ANKRD31: variants seen among roughly 807,000 people sequenced by gnomAD.
ANKRD31 encodes the protein ankyrin repeat domain-containing protein 31.
A neutral mutation model predicts 186.0 loss-of-function variants in ANKRD31; 147 were observed. That is an observed-to-expected ratio of 0.79 (90% CI 0.69 to 0.91). The LOEUF (loss-of-function observed/expected upper bound fraction) is 0.91, where lower values mean the gene tolerates loss of function less well. Ranked by LOEUF, ANKRD31 falls within the 40% of genes least tolerant of loss-of-function variation. ANKRD31 has a pLI of 0.00. For missense variants in ANKRD31, 1,986 were observed against 2,148.8 expected (o/e 0.92, Z 1.50); for synonymous variants, 673 against 736.4 (o/e 0.91, Z 1.39).
In ANKRD31 at chr5:75,147,438, A is replaced by G. The variant is rs1398449082; in HGVS notation, c.1973T>C (p.Leu658Pro). The change falls in exon 14 of 26, where the codon CTG (leucine) becomes CCG (proline). Residue 658 changes from leucine (L) to proline (P), a missense_variant. By Grantham distance (98) the Leu-to-Pro change is moderately conservative. Coordinates refer to ENST00000506364, the MANE Select transcript of ANKRD31 (RefSeq NM_001372053.1). ...VYNENSNRQK[L>P]EHVKVNKGSK... ...TCCTTTATTGACTTTTACATGTTCC[A>G]GCTTCTGTCTGTTGGAATTTTCATT... The G allele has an allele frequency of 1.3e-6, 2 of 1,505,662 alleles. No individual in the cohort carries two copies. The highest frequency in any genetic ancestry group is 2.8e-5 in the African/African-American group (2 of 71,062). The allele number at this position is 1,505,662 out of a possible 1,614,324, so 93.3% of individuals were successfully genotyped here.
intron 24 of ANKRD31, 128 bp from the exon 25 acceptor site, chr5:75,080,767 G>T (rs1463860091): frequency 8.3e-6 from 4 of 480,434 alleles, no homozygotes; most frequent in African/African-American, 8.0e-5. Flanking sequence ...TAGGAGAGAT[G>T]ATTTAAAAAA....
chr5:75,112,014 G>A (rs1436462064), intron 20 of ANKRD31, among the ~76,000 whole-genome samples: 1 of 152,084 alleles, frequency 6.6e-6, no homozygotes, highest in African/African-American at 2.4e-5. Flanking sequence ...TACATTTTCT[G>A]TCATAGGATT....
At chr5:75,127,461 A>C (rs1749344645) in intron 17 of ANKRD31, among the ~76,000 whole-genome samples, 1 of 152,168 alleles carries the variant, frequency 6.6e-6, no homozygotes, top group Non-Finnish European at 1.5e-5. Flanking sequence ...ATCTAGCCCC[A>C]AATGTCATTT....
intron 21 of ANKRD31, among the ~76,000 whole-genome samples, chr5:75,106,604 C>T (rs1390217100): frequency 6.6e-6 from 1 of 151,958 alleles, no homozygotes; most frequent in Non-Finnish European, 1.5e-5. Flanking sequence ...TAAGAATTTA[C>T]GTATTGAAAC....
At chr5:75,124,237 A>T (rs1384202484) in intron 17 of ANKRD31, among the ~76,000 whole-genome samples, 1 of 152,192 alleles carries the variant, frequency 6.6e-6, no homozygotes, top group Non-Finnish European at 1.5e-5. Flanking sequence ...ATGAAATACC[A>T]TCTTATGCCA....
Position 75,068,631 on chromosome 5 carries a change from C to T in ANKRD31, c.5681G>A (p.Arg1894His), listed in dbSNP as rs765517517. The T allele has an allele frequency of 1.2e-5, 19 of 1,521,444 alleles. No homozygotes were observed. The highest frequency in any genetic ancestry group is 2.5e-5 in the East Asian group (1 of 40,258). 94.2% of individuals were successfully genotyped at this position (1,521,444 alleles called of 1,614,324 possible). ...TSRESMQSSP[R>H]YLQINEILLI... ...TAGTATTTCATTTATTTGTAGATAA[C>T]GTGGGCTGCTTTGCATTGACTCTCT... Residue 1894 changes from arginine (R) to histidine (H), a missense_variant, in exon 26 of 26, where the codon CGT (arginine) becomes CAT (histidine). Coordinates refer to ENST00000506364, the MANE Select transcript of ANKRD31 (RefSeq NM_001372053.1).
In ANKRD31 at chr5:75,105,056, C is replaced by T. The variant is rs1350496313; in HGVS notation, c.4503G>A (p.Arg1501=). The T allele has an allele frequency of 6.5e-7, 1 of 1,536,776 alleles. No individual in the cohort carries two copies. The highest frequency in any genetic ancestry group is 1.2e-5 in the South Asian group (1 of 83,988). ...NVTSLPCLSL[R]KLPPRSEISS... ...AGATTTCTGATCTGGGTGGGAGCTT[C>T]CTTAAACTAAGACAAGGCAATGATG... The change falls in exon 22 of 26, where the codon AGG becomes AGA. Residue 1501 remains arginine (R), a synonymous_variant. Coordinates refer to ENST00000506364, the MANE Select transcript of ANKRD31 (RefSeq NM_001372053.1).
chr5:75,115,959 C>G (rs1042234345), intron 19 of ANKRD31, among the ~76,000 whole-genome samples: 1 of 151,914 alleles, frequency 6.6e-6, no homozygotes, highest in Non-Finnish European at 1.5e-5. Context: ...CACATGCACA[C>G]GTATGTTTGT....
rs992454053 is a variant in ANKRD31 at position 75,195,843 on chromosome 5, A to G, written c.805T>C (p.Trp269Arg). 6.5e-7 allele frequency: 1 copy of G among 1,537,320 alleles called. No individual in the cohort carries two copies. The highest frequency in any genetic ancestry group is 1.4e-5 in the African/African-American group (1 of 73,164). The change falls in exon 7 of 26, where the codon TGG becomes CGG. Residue 269 changes from tryptophan to arginine, a missense_variant. Transcript: ENST00000506364. ...AGTAAATCTCTATGACATGCCGACC[A>G]GGAATTCAAAGGTATTGATATGGAA... Reference protein sequence around the residue: ...LSSISIPLNSWSACHRDLLED... With the variant: ...LSSISIPLNSRSACHRDLLED...
At chr5:75,107,697 G>A in intron 20 of ANKRD31, 80 bp from the exon 21 acceptor site, 2 of 801,220 alleles carry the variant, frequency 2.5e-6, no homozygotes, top group Admixed American at 2.9e-5. Flanking sequence ...TAGCCCTATT[G>A]TTAATTTTAA....
At chr5:75,235,978 A>G (rs1420362429) in intron 1 of ANKRD31, among the ~76,000 whole-genome samples, 1 of 152,318 alleles carries the variant, frequency 6.6e-6, no homozygotes, top group East Asian at 1.9e-4. Context: ...TCTGTGTACG[A>G]TCCAACTTAA....
intron 5 of ANKRD31, among the ~76,000 whole-genome samples, chr5:75,202,060 T>C (rs6864324): frequency 0.51 from 76,830 of 152,090 alleles, 22,350 homozygotes; most frequent in African/African-American, 0.81. Context: ...ACAAAACCAA[T>C]GTACTTCATC....
intron 23 of ANKRD31, among the ~76,000 whole-genome samples, chr5:75,085,724 A>T (rs1371219657): frequency 6.6e-6 from 1 of 152,132 alleles, no homozygotes; most frequent in Non-Finnish European, 1.5e-5. Context: ...CTCTTAAGCA[A>T]GATTCTCAAA....
In ANKRD31 at chr5:75,146,336, A is replaced by C; in HGVS notation, c.3075T>G (p.Thr1025=). 2.0e-6 allele frequency: 3 copies of C among 1,536,616 alleles called. No individual in the cohort carries two copies. The highest frequency in any genetic ancestry group is 2.6e-6 in the Non-Finnish European group (3 of 1,146,496). The stretch of plus-strand genomic sequence containing the variant: ...GCTTTTTGAATAGCTCCACATGATT[A>C]GTCAACTTTGAAGCCTCATGTGTCA... ...TLLTHEASKL[T]NHVELFKKPQ... The change falls in exon 14 of 26, where the codon ACT becomes ACG. Residue 1025 remains threonine (T), a synonymous_variant. Transcript: ENST00000506364.
At chr5:75,090,612 TTTAAGAC>T (rs1182117840) in intron 23 of ANKRD31, among the ~76,000 whole-genome samples, 2 of 152,158 alleles carry the variant, frequency 1.3e-5, no homozygotes, top group Non-Finnish European at 2.9e-5. Flanking sequence ...GAAGAATAAT[TTTAAGAC>T]TGTCCCTGAA....
intron 25 of ANKRD31, among the ~76,000 whole-genome samples, chr5:75,077,225 T>A (rs1277495921): frequency 6.6e-6 from 1 of 152,068 alleles, no homozygotes; most frequent in Non-Finnish European, 1.5e-5. Context: ...TGCCCCACCA[T>A]GCCCAGCCAA....
chr5:75,077,606 A>G (rs1283985427), intron 25 of ANKRD31, among the ~76,000 whole-genome samples: 1 of 152,038 alleles, frequency 6.6e-6, no homozygotes, highest in East Asian at 1.9e-4. Flanking sequence ...TTGGTTGTAC[A>G]AAAACGAACC....
chr5:75,114,041 T>C (rs1206617067), intron 19 of ANKRD31, among the ~76,000 whole-genome samples: 1 of 152,198 alleles, frequency 6.6e-6, no homozygotes, highest in African/African-American at 2.4e-5. Context: ...GATGCTACCT[T>C]GGTTAAGATT....
intron 25 of ANKRD31, among the ~76,000 whole-genome samples, chr5:75,078,832 C>T (rs1744862147): frequency 6.6e-6 from 1 of 152,054 alleles, no homozygotes; most frequent in Admixed American, 6.5e-5. Flanking sequence ...CCCTCAATAA[C>T]ACAGAAGAGG....
Sources: gnomAD v4.1 joint callset for allele counts (sites outside exome capture counted in the v4.1 genomes callset) on GRCh38, gnomAD v4.1.1 for gene constraint, MANE v1.5 for transcripts, NCBI Gene and HGNC (gene_info 2026-07-23, HGNC 2026-07-21) for gene names.